The following VPS13C variants were observed in gnomAD, a reference collection of about 807,000 sequenced individuals.
The protein encoded by VPS13C is vacuolar protein sorting 13 homolog C.
Under a neutral mutation model 456.8 loss-of-function variants are expected in VPS13C, and 358 were observed. The ratio of observed to expected loss-of-function variants is 0.78; its 90% CI spans 0.72 to 0.86. VPS13C has a LOEUF of 0.86. VPS13C is among the 40% of genes least tolerant of loss of function. The pLI is 0.00. For synonymous variants in VPS13C, 1,578 were observed against 1,486.7 expected, an observed-to-expected ratio of 1.06 and a Z score of -1.41; for missense variants, 4,818 against 4,385.4, an observed-to-expected ratio of 1.10 and a Z score of -2.79.
chr15:62,031,785 T>G lies in VPS13C; in HGVS notation c.385+1656A>C, dbSNP rs530198247. ...TACATCCTTTATATCAAACCATTCA[T>G]AATAGCCTCTTTGTCAGACCCAAAT... On this transcript the variant is annotated intron_variant, in intron 5 of 84. Coordinates refer to ENST00000644861, the MANE Select transcript of VPS13C (RefSeq NM_020821.3). 2.3e-3 allele frequency among the ~76,000 whole-genome samples: 350 copies of G among 152,090 alleles called. 1 individual carries two copies. The highest frequency in any genetic ancestry group is 8.0e-3 in the African/African-American group (331 of 41,570).
Position 61,991,758 on chromosome 15 carries a change from T to A in VPS13C, c.1398A>T (p.Thr466=). 1 of 1,613,540 alleles carries A rather than the reference T, an allele frequency of 6.2e-7. No homozygotes were observed. Among genetic ancestry groups the A allele is most frequent in the Non-Finnish European group, 8.5e-7 (1 of 1,179,706 alleles). Reference sequence around the variant, plus strand: ...TAAACCAGCCTCCACGTTTCTCGCCTGTGTCAGCAGACTTTTTCCTTAATT... The same window carrying A: ...TAAACCAGCCTCCACGTTTCTCGCCAGTGTCAGCAGACTTTTTCCTTAATT... The part of the protein sequence containing the change: ...GQKLRKKSAD[T]GEKRGGWFSG... The change falls in exon 17 of 85, where the codon ACA becomes ACT. Residue 466 remains threonine, a synonymous_variant. Coordinates refer to ENST00000644861, the MANE Select transcript of VPS13C (RefSeq NM_020821.3).
chr15:62,054,159 C>G (rs1482531695), intron 1 of VPS13C, among the ~76,000 whole-genome samples: 1 of 152,152 alleles, frequency 6.6e-6, no homozygotes, highest in Non-Finnish European at 1.5e-5. Context: ...ACTCTTAAAA[C>G]AATTATATCC....
chr15:61,891,863 T>C lies in VPS13C; in HGVS notation c.9106-1463A>G, dbSNP rs2042662805. Among the ~76,000 whole-genome samples, 3 of 152,208 alleles carry C rather than the reference T, an allele frequency of 2.0e-5. No homozygotes were observed. The South Asian group carries it at 6.2e-4, about 32-fold the overall frequency. On this transcript the variant is annotated intron_variant, in intron 66 of 84. Coordinates refer to ENST00000644861, the MANE Select transcript of VPS13C (RefSeq NM_020821.3). ...TAAACTTCTAGTGCCAAGATTATCA[T>C]CAGCAATATCCCAGAACTTGAACCT...
In VPS13C at chr15:61,853,554, A is replaced by G. The variant is rs987005901; in HGVS notation, c.*903T>C. Reference sequence around the variant, plus strand: ...ACTGCAAGGAGGAAAAATAAGCACCAAAGTAAAATATGCTTTATTAGGGGG... The same window carrying G: ...ACTGCAAGGAGGAAAAATAAGCACCGAAGTAAAATATGCTTTATTAGGGGG... On this transcript the variant is annotated 3_prime_UTR_variant, in exon 85 of 85. Transcript: ENST00000644861. The G allele has an allele frequency of 2.0e-5, 3 of 152,196 alleles. No individual in the cohort carries two copies. The highest frequency in any genetic ancestry group is 4.8e-5 in the African/African-American group (2 of 41,446). 9.4% of individuals were successfully genotyped at this position (152,196 alleles called of 1,614,324 possible).
At position 61,984,938 on chromosome 15, in the gene VPS13C, T is replaced by C. The variant is rs551048142; in HGVS notation, c.1640A>G (p.Lys547Arg). The change falls in exon 19 of 85, where the codon AAG becomes AGG. Residue 547 changes from lysine (K) to arginine (R), a missense_variant. Lys to Arg is a conservative substitution (Grantham distance 26, BLOSUM62 2). This residue lies in a region of VPS13C where 4,552 missense variants were observed against 4,130.6 expected (regional missense o/e 1.10). Transcript: ENST00000644861. ...VSTSVTIRENKNIPEILKIQI... is the reference protein window; with the variant it reads ...VSTSVTIRENRNIPEILKIQI... ...AATTTTTAGTATTTCTGGAATATTC[T>C]TGTTTTCTCTTATCGTAACAGAGGT... The C allele has an allele frequency of 1.6e-5, 26 of 1,611,988 alleles. No individual in the cohort carries two copies. In the African/African-American group the frequency reaches 1.9e-4, roughly 12 times the overall value.
At chr15:61,979,220 T>C (rs1466982869) in intron 22 of VPS13C, among the ~76,000 whole-genome samples, 2 of 152,222 alleles carry the variant, frequency 1.3e-5, no homozygotes, top group Non-Finnish European at 2.9e-5. Flanking sequence ...AAGGATCAAT[T>C]CAGGAGTATA....
intron 68 of VPS13C, among the ~76,000 whole-genome samples, chr15:61,883,602 T>G (rs1390748618): frequency 1.3e-5 from 2 of 152,136 alleles, no homozygotes. Flanking sequence ...TAGTCTTAAC[T>G]GTGTAAGGGC....
intron 24 of VPS13C, among the ~76,000 whole-genome samples, chr15:61,975,669 G>A (rs925785345): frequency 1.3e-5 from 2 of 151,928 alleles, no homozygotes; most frequent in Admixed American, 1.3e-4. Flanking sequence ...AGGACCAGAC[G>A]ACTTTACTGG....
chr15:62,040,723 TTAAA>T (rs778839376), intron 3 of VPS13C, among the ~76,000 whole-genome samples: 2 of 151,868 alleles, frequency 1.3e-5, no homozygotes, highest in Non-Finnish European at 2.9e-5. Flanking sequence ...AATGTATAAA[TTAAA>T]TAAATAAATA....
intron 66 of VPS13C, among the ~76,000 whole-genome samples, chr15:61,906,349 G>A: frequency 6.6e-6 from 1 of 152,134 alleles, no homozygotes; most frequent in East Asian, 1.9e-4. Flanking sequence ...CCAAATAGAA[G>A]AGAAACATTA....
intron 37 of VPS13C, among the ~76,000 whole-genome samples, chr15:61,956,953 C>T (rs1275280147): frequency 6.6e-6 from 1 of 151,928 alleles, no homozygotes; most frequent in Non-Finnish European, 1.5e-5. Flanking sequence ...TCTACTCCTA[C>T]CTATGTATCC....
At chr15:61,921,171 C>A (rs1028147656) in intron 55 of VPS13C, among the ~76,000 whole-genome samples, 6 of 152,084 alleles carry the variant, frequency 3.9e-5, no homozygotes, top group Non-Finnish European at 8.8e-5. Context: ...GTTAGCCTCC[C>A]TATGCCAGAG....
chr15:61,964,591 G>A, intron 31 of VPS13C, 108 bp downstream of exon 31: 1 of 1,062,062 alleles, frequency 9.4e-7, no homozygotes, highest in Non-Finnish European at 1.3e-6. Flanking sequence ...TGAAGAAAAG[G>A]GGAAAATGGT....
intron 49 of VPS13C, among the ~76,000 whole-genome samples, chr15:61,933,839 T>A (rs1441506078): frequency 6.6e-6 from 1 of 151,992 alleles, no homozygotes; most frequent in Non-Finnish European, 1.5e-5. Context: ...AATAATCAGG[T>A]AAGGCTCCAA....
chr15:61,868,699 G>A lies in VPS13C; in HGVS notation c.10823C>T (p.Pro3608Leu). ...RLIHEDGIIR[P>L]YDRQESEGSD... The stretch of plus-strand genomic sequence containing the variant: ...GCCCTCAGATTCCTGTCTGTCATAA[G>A]GACGAATGATGCCATCTTCATGGAT... Residue 3608 changes from proline to leucine, a missense_variant, in exon 81 of 85, where the codon CCT becomes CTT. By Grantham distance (98) the Pro-to-Leu change is moderately conservative. Around this residue, in one of 3 missense-constraint regions of VPS13C, gnomAD observed 261 missense variants for 234.1 expected, o/e 1.11. Coordinates refer to ENST00000644861, the MANE Select transcript of VPS13C (RefSeq NM_020821.3). The A allele has an allele frequency of 6.2e-7, 1 of 1,614,124 alleles. No individual in the cohort carries two copies.
At chr15:61,973,013 T>G (rs2045600681) in intron 26 of VPS13C, among the ~76,000 whole-genome samples, 1 of 152,170 alleles carries the variant, frequency 6.6e-6, no homozygotes, top group African/African-American at 2.4e-5. Flanking sequence ...GTTCATTCAC[T>G]CAATATTCAA....
chr15:61,982,328 T>C, intron 21 of VPS13C, 131 bp downstream of exon 21: 1 of 604,926 alleles, frequency 1.7e-6, no homozygotes, highest in Non-Finnish European at 2.7e-6. Context: ...ATGTCCACTC[T>C]ATACTGTAAT....
rs202132740 is a variant in VPS13C at position 61,881,651 on chromosome 15, A to G, written c.9707-19T>C. ...TTGGGCTCTAAGAGGAAGAAGTAAC[A>G]CATAAAAAAAAATAATGCTTTATAC... On this transcript the variant is annotated intron_variant, in intron 70 of 84. Transcript: ENST00000644861. The G allele has an allele frequency of 4.3e-4, 698 of 1,609,574 alleles. 5 individuals are homozygous for G. The African/African-American group carries it at 8.9e-3, about 20-fold the overall frequency.
intron 4 of VPS13C, among the ~76,000 whole-genome samples, chr15:62,034,638 A>T (rs2047924013): frequency 6.6e-6 from 1 of 151,792 alleles, no homozygotes; most frequent in Non-Finnish European, 1.5e-5. Context: ...TTAAAGATTT[A>T]TTTCACTTCA....
Sources: gnomAD v4.1 joint callset for allele counts (sites outside exome capture counted in the v4.1 genomes callset) on GRCh38, gnomAD v4.1.1 for gene constraint, gnomAD v4.1.1 regional missense constraint, MANE v1.5 for transcripts, NCBI Gene and HGNC (gene_info 2026-07-23, HGNC 2026-07-21) for gene names.